Variants in NRG1 observed in about 807,000 individuals in gnomAD.
The protein encoded by NRG1 is pro-neuregulin-1, membrane-bound isoform.
Under a neutral mutation model 63.8 loss-of-function variants are expected in NRG1, and 18 were observed. That is an observed-to-expected ratio of 0.28 (90% confidence interval 0.19 to 0.42). NRG1 has a LOEUF of 0.42. Among genes scored for constraint, NRG1 ranks in the 10% least tolerant of loss-of-function variants. The pLI is 1.00. For synonymous variants in NRG1, 302 were observed against 301.3 expected (o/e 1.00, Z -0.02); for missense variants, 762 against 814.7 (o/e 0.94, Z 0.79).
intron 1 of NRG1, among the ~76,000 whole-genome samples, chr8:32,552,202 C>T (rs969954818): frequency 1.9e-4 from 26 of 139,392 alleles, no homozygotes; most frequent in African/African-American, 7.0e-4. Flanking sequence ...AGCCACGGCG[C>T]TTGGCCGCTT....
At chr8:32,495,143 T>A (rs1003310389) in intron 1 of NRG1, among the ~76,000 whole-genome samples, 1 of 152,238 alleles carries the variant, frequency 6.6e-6, no homozygotes, top group Non-Finnish European at 1.5e-5. Context: ...ATGGTTTGAC[T>A]AGGTCCCCAC....
Position 32,637,138 on chromosome 8 carries a change from A to G in NRG1, c.502+20253A>G, listed in dbSNP as rs375400898. Among the ~76,000 whole-genome samples the G allele has an allele frequency of 3.9e-5, 6 of 152,188 alleles. No homozygotes were observed. The East Asian group carries it at 7.7e-4, about 20-fold the overall frequency. On this transcript the variant is annotated intron_variant, in intron 5 of 11. Transcript: ENST00000356819. ...TCAAACATAGAGAAAAGGTGAATTA[A>G]TCATTCAGTAAACAAACTTATGCCC... is the stretch of plus-strand genomic sequence containing the variant.
At chr8:31,767,152 A>G (rs1477881674) in intron 1 of NRG1, among the ~76,000 whole-genome samples, 1 of 152,126 alleles carries the variant, frequency 6.6e-6, no homozygotes, top group Non-Finnish European at 1.5e-5. Context: ...CATGACCGCC[A>G]TTGTGAGTAG....
chr8:31,951,482 C>G (rs1234765707), intron 1 of NRG1, among the ~76,000 whole-genome samples: 2 of 152,210 alleles, frequency 1.3e-5, no homozygotes, highest in Non-Finnish European at 2.9e-5. Flanking sequence ...TTGCAGTTCT[C>G]CATCCCCTTG....
At chr8:32,251,454 T>C (rs1428132090) in intron 1 of NRG1, among the ~76,000 whole-genome samples, 1 of 152,206 alleles carries the variant, frequency 6.6e-6, no homozygotes, top group Non-Finnish European at 1.5e-5. Context: ...ATCCATTCTA[T>C]CATTGATGGG....
chr8:32,181,378 T>A (rs1841414936), intron 1 of NRG1, among the ~76,000 whole-genome samples: 1 of 152,222 alleles, frequency 6.6e-6, no homozygotes, highest in Admixed American at 6.5e-5. Flanking sequence ...TTATCACTAT[T>A]AGTTTTTCTG....
chr8:32,250,573 G>A (rs2129470257), intron 1 of NRG1, among the ~76,000 whole-genome samples: 1 of 152,118 alleles, frequency 6.6e-6, no homozygotes, highest in South Asian at 2.1e-4. Context: ...AGCTTATAGT[G>A]ACTCATTAAA....
At chr8:31,713,323 A>G (rs1812010154) in intron 1 of NRG1, among the ~76,000 whole-genome samples, 2 of 151,630 alleles carry the variant, frequency 1.3e-5, no homozygotes, top group African/African-American at 4.8e-5. Flanking sequence ...TCACTGTGTT[A>G]GTCAGGATGG....
chr8:31,859,136 C>T (rs968194288), intron 1 of NRG1, among the ~76,000 whole-genome samples: 5 of 151,904 alleles, frequency 3.3e-5, no homozygotes, highest in African/African-American at 7.3e-5. Context: ...GATCTAAAAC[C>T]GCAATTACTT....
intron 1 of NRG1, among the ~76,000 whole-genome samples, chr8:32,508,179 G>A (rs68189791): frequency 0.041 from 6,206 of 152,276 alleles, 172 homozygotes; most frequent in Middle Eastern, 0.068. Flanking sequence ...GCTGAGGTAG[G>A]AGGACTCCTT....
At chr8:32,340,624 C>A (rs1803954396) in intron 1 of NRG1, among the ~76,000 whole-genome samples, 1 of 152,178 alleles carries the variant, frequency 6.6e-6, no homozygotes, top group Non-Finnish European at 1.5e-5. Context: ...TTCATTGTTT[C>A]TTTTAATACT....
chr8:32,048,436 TATATACATAC>T (rs1336095747), intron 1 of NRG1, among the ~76,000 whole-genome samples: 23 of 8,086 alleles, frequency 2.8e-3, no homozygotes, highest in African/African-American at 4.3e-3. Context: ...TATGTACACA[TATATACATAC>T]ATATATATAT....
intron 1 of NRG1, among the ~76,000 whole-genome samples, chr8:31,669,332 G>C (rs1806871449): frequency 1.3e-5 from 2 of 151,752 alleles, no homozygotes; most frequent in Admixed American, 1.3e-4. Context: ...CCACCTCCCA[G>C]GTTCAAGCGA....
intron 1 of NRG1, among the ~76,000 whole-genome samples, chr8:32,248,820 C>T (rs1034216531): frequency 6.6e-6 from 1 of 152,022 alleles, no homozygotes; most frequent in African/African-American, 2.4e-5. Context: ...TTATATTTAA[C>T]ACTAAAAACT....
intron 2 of NRG1, among the ~76,000 whole-genome samples, chr8:32,597,423 A>G (rs1843554606): frequency 6.6e-6 from 1 of 152,176 alleles, no homozygotes; most frequent in Non-Finnish European, 1.5e-5. Flanking sequence ...GTTATTGATC[A>G]TGTCAGATAG....
chr8:32,479,442 A>G (rs1824948998), intron 1 of NRG1, among the ~76,000 whole-genome samples: 1 of 152,036 alleles, frequency 6.6e-6, no homozygotes, highest in Non-Finnish European at 1.5e-5. Context: ...GTACCACTGC[A>G]CTCTAGCCTG....
chr8:32,154,475 C>T (rs2131850721), intron 1 of NRG1, among the ~76,000 whole-genome samples: 1 of 152,140 alleles, frequency 6.6e-6, no homozygotes, highest in East Asian at 1.9e-4. Flanking sequence ...CCCTTCCCTC[C>T]TTCTGTTCTC....
intron 7 of NRG1, among the ~76,000 whole-genome samples, chr8:32,743,491 C>A (rs1177026775): frequency 1.3e-5 from 2 of 148,418 alleles, no homozygotes; most frequent in African/African-American, 4.9e-5. Context: ...GATATAACAA[C>A]TCAACTATAG....
intron 1 of NRG1, among the ~76,000 whole-genome samples, chr8:32,362,588 A>C (rs575526253): frequency 2.0e-5 from 3 of 152,200 alleles, no homozygotes; most frequent in Non-Finnish European, 4.4e-5. Context: ...TGGATGCATG[A>C]TGAGACTACT....
Sources: allele counts gnomAD v4.1 joint callset (sites outside exome capture counted in the v4.1 genomes callset), GRCh38; gene constraint gnomAD v4.1.1; transcripts MANE v1.5; gene names NCBI Gene and HGNC (gene_info 2026-07-23, HGNC 2026-07-21).